The following CTNNA2 variants were observed in gnomAD, a reference collection of about 807,000 sequenced individuals.
CTNNA2 encodes catenin alpha-2.
A neutral mutation model predicts 101.0 loss-of-function variants in CTNNA2; 42 were observed. The observed-to-expected ratio is 0.42, with a 90% CI of 0.32 to 0.54. CTNNA2 has a LOEUF of 0.54. Among genes scored for constraint, CTNNA2 ranks in the 20% least tolerant of loss-of-function variants. The pLI, the probability that CTNNA2 is intolerant of heterozygous loss-of-function variation, is 0.14. For missense variants in CTNNA2, 871 were observed against 1,223.1 expected (o/e 0.71, Z 4.29); for synonymous variants, 450 against 456.4 (o/e 0.99, Z 0.18).
intron 12 of CTNNA2, chr2:80,572,680 G>A (rs1400504395): frequency 6.6e-6 from 1 of 151,902 alleles, no homozygotes; most frequent in East Asian, 1.9e-4. Context: ...TGAGTTTAAT[G>A]CAGTGGTTTT....
chr2:79,619,986 T>C (rs1678891407), intron 1 of CTNNA2, among the ~76,000 whole-genome samples: 1 of 151,590 alleles, frequency 6.6e-6, no homozygotes, highest in East Asian at 2.0e-4. Context: ...ACAATGTGCA[T>C]GAGATGCTAA....
intron 17 of CTNNA2, among the ~76,000 whole-genome samples, chr2:80,614,943 A>G (rs992188484): frequency 1.3e-5 from 2 of 151,198 alleles, no homozygotes; most frequent in Non-Finnish European, 3.0e-5. Context: ...GTCAAGAAAC[A>G]GATTATTTAG....
chr2:79,319,171 A>G (rs6757696), intron 3 of CTNNA2, among the ~76,000 whole-genome samples: 39,137 of 152,066 alleles, frequency 0.26, 5,298 homozygotes, highest in Middle Eastern at 0.38. Context: ...ATTTTTCAAA[A>G]CCCATTATAC....
chr2:79,930,280 G>A (rs62141613), intron 7 of CTNNA2, among the ~76,000 whole-genome samples: 90 of 82,324 alleles, frequency 1.1e-3, no homozygotes, highest in Middle Eastern at 6.3e-3. Context: ...GAAAGAAAGA[G>A]AGAGAGAGAG....
intron 1 of CTNNA2, among the ~76,000 whole-genome samples, chr2:79,566,098 A>C (rs769579952): frequency 6.6e-6 from 1 of 152,110 alleles, no homozygotes; most frequent in African/African-American, 2.4e-5. Context: ...ATACAGAAGA[A>C]GCAAGCAGGA....
At position 79,260,201 on chromosome 2, in the gene CTNNA2, G is replaced by C. The variant is rs187740864; in HGVS notation, c.-405-52508G>C. Among the ~76,000 whole-genome samples the C allele has an allele frequency of 1.5e-4, 23 of 152,180 alleles. No individual in the cohort carries two copies. The East Asian group carries it at 4.5e-3, about 30-fold the overall frequency. Reference sequence around the variant, plus strand: ...TTGTTGAATCTGGCAACCAAGAAAGGCCTCACCCACCTTGCCTCATTACTA... The same window carrying C: ...TTGTTGAATCTGGCAACCAAGAAAGCCCTCACCCACCTTGCCTCATTACTA... On this transcript the variant is annotated intron_variant, in intron 2 of 21. Coordinates refer to the CTNNA2 transcript ENST00000466387.
At chr2:79,640,772 G>A (rs1279340036) in intron 1 of CTNNA2, among the ~76,000 whole-genome samples, 2 of 152,010 alleles carry the variant, frequency 1.3e-5, no homozygotes, top group Admixed American at 1.3e-4. Flanking sequence ...ATTTAGGAAG[G>A]GCCTAACTCT....
At chr2:79,332,618 C>T (rs550348240) in intron 3 of CTNNA2, among the ~76,000 whole-genome samples, 61 of 152,248 alleles carry the variant, frequency 4.0e-4, no homozygotes, top group African/African-American at 1.3e-3. Context: ...TAGAAACATA[C>T]GTTTTAAAAA....
At chr2:79,515,252 G>A (rs1401026964) in intron 1 of CTNNA2, among the ~76,000 whole-genome samples, 3 of 152,224 alleles carry the variant, frequency 2.0e-5, no homozygotes, top group Non-Finnish European at 2.9e-5. Flanking sequence ...TGAACTTGTA[G>A]ATAGGAGTGT....
intron 18 of CTNNA2, among the ~76,000 whole-genome samples, chr2:80,630,993 T>G (rs1227060788): frequency 6.6e-6 from 1 of 152,238 alleles, no homozygotes; most frequent in Non-Finnish European, 1.5e-5. Context: ...AATCATGCTT[T>G]CTTTCAAAGA....
At chr2:79,618,900 G>A (rs1370570639) in intron 1 of CTNNA2, among the ~76,000 whole-genome samples, 3 of 152,162 alleles carry the variant, frequency 2.0e-5, no homozygotes, top group Non-Finnish European at 4.4e-5. Context: ...ATGGGTATGA[G>A]CACCCAATTA....
chr2:79,966,532 G>T (rs756280943), intron 7 of CTNNA2, among the ~76,000 whole-genome samples: 3 of 152,160 alleles, frequency 2.0e-5, no homozygotes, highest in South Asian at 2.1e-4. Context: ...CTCTGTGCCT[G>T]GCCTGTAACT....
At chr2:79,399,622 GGT>G (rs1424130022) in intron 4 of CTNNA2, among the ~76,000 whole-genome samples, 1 of 151,982 alleles carries the variant, frequency 6.6e-6, no homozygotes, top group Non-Finnish European at 1.5e-5. Flanking sequence ...AACAAGCCCA[GGT>G]GTGTGGGGGT....
chr2:79,827,310 T>A (rs967643429), intron 3 of CTNNA2, among the ~76,000 whole-genome samples: 3 of 152,176 alleles, frequency 2.0e-5, no homozygotes, highest in Admixed American at 2.0e-4. Flanking sequence ...AGTGCTGGGA[T>A]TACAGGAGTG....
At position 80,044,943 on chromosome 2, in the gene CTNNA2, C is replaced by T. The variant is rs184849888; in HGVS notation, c.1056+135146C>T. Among the ~76,000 whole-genome samples, 193 of 152,234 alleles carry T rather than the reference C, an allele frequency of 1.3e-3. 1 individual carries two copies. Among genetic ancestry groups the T allele is most frequent in the African/African-American group, 4.4e-3 (184 of 41,544 alleles). On this transcript the variant is annotated intron_variant, in intron 7 of 18. Coordinates refer to ENST00000402739, the MANE Select transcript of CTNNA2 (RefSeq NM_001282597.3). Reference sequence around the variant, plus strand: ...GGGAGATATGGGGTATGGATGCTAACTGCAGTACACTCAAGTTATTGGAAA... The same window carrying T: ...GGGAGATATGGGGTATGGATGCTAATTGCAGTACACTCAAGTTATTGGAAA...
At chr2:79,304,267 G>A (rs573342221) in intron 2 of CTNNA2, among the ~76,000 whole-genome samples, 1 of 152,114 alleles carries the variant, frequency 6.6e-6, no homozygotes, top group Non-Finnish European at 1.5e-5. Flanking sequence ...TGGATGCCAA[G>A]GCAACATAAA....
At chr2:80,059,050 G>A (rs1370770347) in intron 7 of CTNNA2, among the ~76,000 whole-genome samples, 1 of 151,918 alleles carries the variant, frequency 6.6e-6, no homozygotes, top group East Asian at 1.9e-4. Flanking sequence ...TCAAATTATT[G>A]TTAATAACAC....
At chr2:80,422,781 C>T (rs1485379886) in intron 9 of CTNNA2, among the ~76,000 whole-genome samples, 1 of 151,972 alleles carries the variant, frequency 6.6e-6, no homozygotes, top group Non-Finnish European at 1.5e-5. Flanking sequence ...AAAATTTTTT[C>T]TTCCTTCTAT....
At chr2:80,381,116 G>C (rs1676472979) in intron 7 of CTNNA2, among the ~76,000 whole-genome samples, 1 of 151,972 alleles carries the variant, frequency 6.6e-6, no homozygotes, top group Admixed American at 6.6e-5. Flanking sequence ...AGCCTGAGGA[G>C]TGCCAGTGGC....
Sources: allele counts gnomAD v4.1 joint callset (sites outside exome capture counted in the v4.1 genomes callset), GRCh38; gene constraint gnomAD v4.1.1; transcripts MANE v1.5; gene names NCBI Gene and HGNC (gene_info 2026-07-23, HGNC 2026-07-21).